Variants in SLFN5 observed in about 807,000 individuals in gnomAD.
SLFN5 encodes the protein schlafen family member 5.
A neutral mutation model predicts 48.5 loss-of-function variants in SLFN5; 34 were observed. The ratio of observed to expected loss-of-function variants is 0.70; its 90% CI spans 0.53 to 0.93. The LOEUF (loss-of-function observed/expected upper bound fraction) is 0.93, where lower values mean the gene tolerates loss of function less well. SLFN5 is among the 40% of genes least tolerant of loss of function. SLFN5 has a pLI of 0.00. For missense variants in SLFN5, 1,006 were observed against 1,071.3 expected, an observed-to-expected ratio of 0.94 and a Z score of 0.85; for synonymous variants, 387 against 396.2, an observed-to-expected ratio of 0.98 and a Z score of 0.28.
In SLFN5 at chr17:35,266,853, T is replaced by G. The variant is rs893135108; in HGVS notation, c.*965T>G. ...AAAGCCATTGCTACAAAAGTGCAAA[T>G]TTCTCATTTCCTGTGGGTCTCTAGA... On this transcript the variant is annotated 3_prime_UTR_variant, in exon 5 of 5. Transcript: ENST00000299977. 6.6e-6 allele frequency: 1 copy of G among 152,218 alleles called. No individual in the cohort carries two copies. The highest frequency in any genetic ancestry group is 1.5e-5 in the Non-Finnish European group (1 of 68,036). The allele number at this position is 152,218 out of a possible 1,614,324, so 9.4% of individuals were successfully genotyped here. A position where few individuals can be genotyped will look rare whatever the true frequency, so the allele number is the denominator to read the frequency against.
Position 35,260,909 on chromosome 17 carries a change from G to A in SLFN5, c.1013-62G>A, listed in dbSNP as rs371216844. ...ACTAGGTGAAAGACTTTGTAGCACAGCTCAGCTATAAGTTGGGGTCTGCCT... is the reference window on the plus strand; with the variant it reads ...ACTAGGTGAAAGACTTTGTAGCACAACTCAGCTATAAGTTGGGGTCTGCCT... On this transcript the variant is annotated intron_variant, in intron 2 of 4. Coordinates refer to ENST00000299977, the MANE Select transcript of SLFN5 (RefSeq NM_144975.4). The A allele has an allele frequency of 3.7e-4, 592 of 1,597,052 alleles. 3 individuals carry two copies. In the South Asian group the frequency reaches 4.5e-3, roughly 12 times the overall value.
chr17:35,247,232 TACG>T (rs1390894759), intron 1 of SLFN5, among the ~76,000 whole-genome samples: 1 of 152,242 alleles, frequency 6.6e-6, no homozygotes, highest in African/African-American at 2.4e-5. Flanking sequence ...CCAACTTCCC[TACG>T]ACAACACCCT....
chr17:35,264,073 A>G (rs1904600259), intron 3 of SLFN5, 110 bp from the exon 4 acceptor site: 1 of 1,304,590 alleles, frequency 7.7e-7, no homozygotes, highest in Non-Finnish European at 1.0e-6. Context: ...TGTATAACCT[A>G]TTGTAGATAC....
At chr17:35,262,766 A>C (rs764229902) in intron 3 of SLFN5, among the ~76,000 whole-genome samples, 2 of 152,098 alleles carry the variant, frequency 1.3e-5, no homozygotes, top group Non-Finnish European at 2.9e-5. Flanking sequence ...TAGAAAGCTG[A>C]GGTGGGAGAA....
In SLFN5 at chr17:35,265,942, T is replaced by C; in HGVS notation, c.*54T>C. 1 of 1,493,368 alleles carries C rather than the reference T, an allele frequency of 6.7e-7. No individual in the cohort carries two copies. Among genetic ancestry groups the C allele is most frequent in the East Asian group, 2.3e-5 (1 of 44,068 alleles). 92.5% of individuals were successfully genotyped at this position (1,493,368 alleles called of 1,614,324 possible). On this transcript the variant is annotated 3_prime_UTR_variant, in exon 5 of 5. Transcript: ENST00000299977. ...AGTGGTTCTCATCTCTAATTAACTG[T>C]GAAACCATTTAATCCAAACATGTAA...
intron 2 of SLFN5, 34 bp downstream of exon 2, chr17:35,259,736 T>G (rs1904467746): frequency 1.9e-6 from 3 of 1,590,460 alleles, no homozygotes; most frequent in Non-Finnish European, 2.6e-6. Context: ...GTTGTAATGT[T>G]TGCTGGCAGC....
chr17:35,253,704 T>G (rs949445595), intron 1 of SLFN5, among the ~76,000 whole-genome samples: 17 of 142,268 alleles, frequency 1.2e-4, no homozygotes, highest in East Asian at 6.2e-4. Flanking sequence ...TTTTTTTTTT[T>G]TTTTTTTTTT....
At chr17:35,252,857 C>T (rs1023988745) in intron 1 of SLFN5, among the ~76,000 whole-genome samples, 1 of 152,004 alleles carries the variant, frequency 6.6e-6, no homozygotes, top group Non-Finnish European at 1.5e-5. Flanking sequence ...GCCTCTCCCA[C>T]TTCTGCTTGC....
chr17:35,252,753 C>G (rs2092445287), intron 1 of SLFN5, among the ~76,000 whole-genome samples: 1 of 151,882 alleles, frequency 6.6e-6, no homozygotes, highest in South Asian at 2.1e-4. Flanking sequence ...TAGCCTAGTC[C>G]CTAGTACTTT....
In SLFN5 at chr17:35,265,532, G is replaced by C. The variant is rs1904654919; in HGVS notation, c.2320G>C (p.Ala774Pro). ...CTTGGAGGAGATACTGATCTATGTA[G>C]CGAATAAATGCCGTTTTCTCTTGCG... ...LNLEEILIYV[A>P]NKCRFLLRNG... Residue 774 changes from alanine (A) to proline (P), a missense_variant, in exon 5 of 5, where the codon GCG (alanine) becomes CCG (proline). Ala to Pro is a conservative substitution (Grantham distance 27, BLOSUM62 -1). Transcript: ENST00000299977. 6.2e-7 allele frequency: 1 copy of C among 1,614,234 alleles called. No individual in the cohort carries two copies. Among genetic ancestry groups the C allele is most frequent in the Non-Finnish European group, 8.5e-7 (1 of 1,180,054 alleles).
In SLFN5 at chr17:35,264,461, T is replaced by C. The variant is rs754111812; in HGVS notation, c.1417T>C (p.Ser473Pro). 1.1e-5 allele frequency: 17 copies of C among 1,614,054 alleles called. No individual in the cohort carries two copies. The highest frequency in any genetic ancestry group is 8.5e-7 in the Non-Finnish European group (1 of 1,180,024). The change falls in exon 4 of 5, where the codon TCT (serine) becomes CCT (proline). Residue 473 changes from serine (S) to proline (P), a missense_variant. By Grantham distance (74) the Ser-to-Pro change is moderately conservative. Transcript: ENST00000299977. The part of the protein sequence containing the change: ...CKGYSMIVAY[S>P]LKQKLVNKGG... ...GGGCTATTCTATGATAGTTGCCTAT[T>C]CTTTGAAGCAGAAGCTGGTGAACAA...
intron 4 of SLFN5, 28 bp from the exon 5 acceptor site, chr17:35,265,044 G>T (rs760533274): frequency 1.2e-5 from 19 of 1,581,266 alleles, no homozygotes; most frequent in Non-Finnish European, 1.5e-5. Flanking sequence ...TGTTTCATTG[G>T]GGAAAAACCT....
At position 35,266,635 on chromosome 17, in the gene SLFN5, T is replaced by C. The variant is rs1904706501; in HGVS notation, c.*747T>C. Reference sequence around the variant, plus strand: ...TTAGGTTACTACATGAAGGTAAGACTGCCACAGTCCCCCAGGGAGGCACAC... The same window carrying C: ...TTAGGTTACTACATGAAGGTAAGACCGCCACAGTCCCCCAGGGAGGCACAC... On this transcript the variant is annotated 3_prime_UTR_variant, in exon 5 of 5. Coordinates refer to ENST00000299977, the MANE Select transcript of SLFN5 (RefSeq NM_144975.4). 1 of 152,168 alleles carries C rather than the reference T, an allele frequency of 6.6e-6. No homozygotes were observed. Among genetic ancestry groups the C allele is most frequent in the Non-Finnish European group, 1.5e-5 (1 of 68,042 alleles). 9.4% of individuals were successfully genotyped at this position (152,168 alleles called of 1,614,324 possible). A position where few individuals can be genotyped will look rare whatever the true frequency, so the allele number is the denominator to read the frequency against.
chr17:35,245,060 G>A (rs547507551), intron 1 of SLFN5, among the ~76,000 whole-genome samples: 37 of 152,292 alleles, frequency 2.4e-4, no homozygotes, highest in African/African-American at 7.5e-4. Context: ...ACCCTAAGTT[G>A]ATGCCTAAAA....
chr17:35,243,856 C>T (rs752807089), intron 1 of SLFN5, among the ~76,000 whole-genome samples: 1 of 152,166 alleles, frequency 6.6e-6, no homozygotes, highest in Non-Finnish European at 1.5e-5. Context: ...TGCTTGGAGA[C>T]AGAGGAAGAT....
chr17:35,264,173 C>G lies in SLFN5; in HGVS notation c.1139-10C>G. The G allele has an allele frequency of 6.4e-7, 1 of 1,561,364 alleles. No individual in the cohort carries two copies. Among genetic ancestry groups the G allele is most frequent in the Non-Finnish European group, 8.6e-7 (1 of 1,159,490 alleles). On this transcript the variant is annotated splice_polypyrimidine_tract_variant and intron_variant, in intron 3 of 4. Coordinates refer to ENST00000299977, the MANE Select transcript of SLFN5 (RefSeq NM_144975.4). ...CTTTTCTAATTTCTTCCCATCCTTT[C>G]CCTGTCTAGTATTTTCAGACAGAGT...
intron 1 of SLFN5, among the ~76,000 whole-genome samples, chr17:35,244,719 G>A (rs1428107599): frequency 6.6e-6 from 1 of 152,052 alleles, no homozygotes; most frequent in Non-Finnish European, 1.5e-5. Flanking sequence ...TGAGGTGGGC[G>A]GATCACTTGA....
At chr17:35,251,787 C>T (rs868364420) in intron 1 of SLFN5, among the ~76,000 whole-genome samples, 9 of 144,460 alleles carry the variant, frequency 6.2e-5, no homozygotes, top group African/African-American at 2.0e-4. Context: ...GATTTCGGCT[C>T]ACTGCAACTT....
intron 1 of SLFN5, among the ~76,000 whole-genome samples, chr17:35,250,548 T>C (rs988918385): frequency 6.6e-6 from 1 of 151,498 alleles, no homozygotes; most frequent in Non-Finnish European, 1.5e-5. Context: ...TAGTCCCAGC[T>C]ACTCGGGAGG....
Sources: gnomAD v4.1 joint callset for allele counts (sites outside exome capture counted in the v4.1 genomes callset) on GRCh38, gnomAD v4.1.1 for gene constraint, MANE v1.5 for transcripts, NCBI Gene and HGNC (gene_info 2026-07-23, HGNC 2026-07-21) for gene names.